ASAP1: variants seen among roughly 807,000 people sequenced by gnomAD.
ASAP1 encodes the protein arf-GAP with SH3 domain, ANK repeat and PH domain-containing protein 1.
A neutral mutation model predicts 145.2 loss-of-function variants in ASAP1; 43 were observed. The observed-to-expected ratio is 0.30, with a 90% CI of 0.23 to 0.38. The LOEUF (loss-of-function observed/expected upper bound fraction) is 0.38. ASAP1 is among the 10% of genes least tolerant of loss of function. The probability of loss-of-function intolerance (pLI) is 1.00; values close to 1 mark genes in which losing one functional copy is unlikely to be tolerated. For missense variants in ASAP1, 1,018 were observed against 1,355.3 expected, an observed-to-expected ratio of 0.75 and a Z score of 3.91; for synonymous variants, 546 against 515.5, an observed-to-expected ratio of 1.06 and a Z score of -0.80.
intron 3 of ASAP1, among the ~76,000 whole-genome samples, chr8:130,319,489 G>A (rs1823870341): frequency 6.6e-6 from 1 of 152,108 alleles, no homozygotes; most frequent in African/African-American, 2.4e-5. Context: ...GCAGGGCTAT[G>A]GGAACACTGA....
chr8:130,265,981 T>G (rs1586716356), intron 3 of ASAP1, among the ~76,000 whole-genome samples: 1 of 152,178 alleles, frequency 6.6e-6, no homozygotes, highest in African/African-American at 2.4e-5. Flanking sequence ...AGTAAGCATG[T>G]GAGGTGATTT....
At chr8:130,440,274 G>T (rs1164142932) in intron 1 of ASAP1, among the ~76,000 whole-genome samples, 1 of 152,044 alleles carries the variant, frequency 6.6e-6, no homozygotes, top group Non-Finnish European at 1.5e-5. Context: ...CATCAGGCTG[G>T]CCATGGTCGC....
chr8:130,072,830 C>CGCGCGCACGCGCG (rs1448184178), intron 27 of ASAP1, among the ~76,000 whole-genome samples: 600 of 31,734 alleles, frequency 0.019, 26 homozygotes, highest in Non-Finnish European at 0.025. Context: ...TGTGTGCGCG[C>CGCGCGCACGCGCG]GGGGGGGGGC....
Position 130,337,440 on chromosome 8 carries a change from G to A in ASAP1, c.186+20577C>T, listed in dbSNP as rs1825105912. On this transcript the variant is annotated intron_variant, in intron 3 of 29. Transcript: ENST00000518721. The stretch of plus-strand genomic sequence containing the variant: ...GAAGTCTCCAGTGTAACAAAAATGA[G>A]TACACTGCAAAGAGAGCCCTGTTAT... 2.6e-5 allele frequency among the ~76,000 whole-genome samples: 4 copies of A among 152,162 alleles called. No individual in the cohort carries two copies. The South Asian group carries it at 8.3e-4, about 32-fold the overall frequency.
intron 2 of ASAP1, among the ~76,000 whole-genome samples, chr8:130,391,455 A>G (rs1828281295): frequency 6.6e-6 from 1 of 152,218 alleles, no homozygotes; most frequent in South Asian, 2.1e-4. Context: ...TGCATACTTC[A>G]CCACAATTAA....
At chr8:130,257,808 G>A (rs1819657980) in intron 3 of ASAP1, among the ~76,000 whole-genome samples, 1 of 125,020 alleles carries the variant, frequency 8.0e-6, no homozygotes, top group African/African-American at 3.3e-5. Context: ...TTATTTTTTA[G>A]AAGTGCCTAC....
chr8:130,407,452 C>G (rs1829082871), intron 1 of ASAP1, among the ~76,000 whole-genome samples: 1 of 152,216 alleles, frequency 6.6e-6, no homozygotes, highest in Non-Finnish European at 1.5e-5. Flanking sequence ...CACTCAAAGA[C>G]ATGAGCAGGG....
intron 3 of ASAP1, among the ~76,000 whole-genome samples, chr8:130,283,600 A>G (rs1165293583): frequency 7.0e-6 from 1 of 142,472 alleles, no homozygotes; most frequent in African/African-American, 2.7e-5. Context: ...AAAAAAAAAA[A>G]AAAAAAAAAA....
At chr8:130,179,155 CTTTA>C (rs1316337214) in intron 9 of ASAP1, 105 bp downstream of exon 9, 3 of 631,892 alleles carry the variant, frequency 4.7e-6, no homozygotes, top group East Asian at 6.0e-5. Flanking sequence ...CATTATATCA[CTTTA>C]TTTAGTCACG....
Position 130,277,851 on chromosome 8 carries a change from T to C in ASAP1, c.187-40857A>G, listed in dbSNP as rs1821006205. On this transcript the variant is annotated intron_variant, in intron 3 of 29. Coordinates refer to ENST00000518721, the MANE Select transcript of ASAP1 (RefSeq NM_018482.4). ...TGTAGGCGTTTGTGGGCCCATCACA[T>C]GGACGTAGCAGGACAGTTTTCAGAC... 3.3e-5 allele frequency among the ~76,000 whole-genome samples: 5 copies of C among 152,300 alleles called. No homozygotes were observed. In the South Asian group the frequency reaches 1.0e-3, roughly 32 times the overall value.
At chr8:130,176,965 C>T (rs896536875) in intron 9 of ASAP1, among the ~76,000 whole-genome samples, 5 of 152,164 alleles carry the variant, frequency 3.3e-5, no homozygotes, top group Non-Finnish European at 7.3e-5. Context: ...GCGGGGATTA[C>T]AGGCGTGAGC....
intron 18 of ASAP1, among the ~76,000 whole-genome samples, chr8:130,120,976 C>T (rs1160739964): frequency 6.6e-6 from 1 of 152,202 alleles, no homozygotes; most frequent in African/African-American, 2.4e-5. Context: ...ACCCAGTCCT[C>T]TCTTTATCTG....
chr8:130,058,868 T>C (rs115481717), intron 28 of ASAP1, among the ~76,000 whole-genome samples: 1,726 of 152,306 alleles, frequency 0.011, 32 homozygotes, highest in African/African-American at 0.04. Context: ...AGCTCCCTTC[T>C]GGGCCGTGCG....
chr8:130,323,912 AAG>A (rs1459686042), intron 3 of ASAP1, among the ~76,000 whole-genome samples: 1 of 152,148 alleles, frequency 6.6e-6, no homozygotes, highest in South Asian at 2.1e-4. Flanking sequence ...CAGAAACAAA[AAG>A]ATGCAGATGC....
chr8:130,089,651 C>T (rs2097501354), intron 25 of ASAP1, among the ~76,000 whole-genome samples: 1 of 152,046 alleles, frequency 6.6e-6, no homozygotes, highest in Non-Finnish European at 1.5e-5. Flanking sequence ...GGGATAAAAC[C>T]AAGCAGTAAT....
chr8:130,206,614 T>C (rs1403129074), intron 5 of ASAP1, among the ~76,000 whole-genome samples: 2 of 152,206 alleles, frequency 1.3e-5, no homozygotes, highest in Non-Finnish European at 2.9e-5. Flanking sequence ...TTATGCAAGC[T>C]ATAGAATTGT....
In ASAP1 at chr8:130,336,122, A is replaced by T. The variant is rs10107675; in HGVS notation, c.186+21895T>A. On this transcript the variant is annotated intron_variant, in intron 3 of 29. Coordinates refer to ENST00000518721, the MANE Select transcript of ASAP1 (RefSeq NM_018482.4). ...TTAAGATAATGCAAAACAAAGTTTCAGAAACAGCCCTGTGAAAACAATCAT... is the reference window on the plus strand; with the variant it reads ...TTAAGATAATGCAAAACAAAGTTTCTGAAACAGCCCTGTGAAAACAATCAT... 7.6e-3 allele frequency among the ~76,000 whole-genome samples: 1,163 copies of T among 152,350 alleles called. 13 individuals are homozygous for T. The highest frequency in any genetic ancestry group is 0.027 in the African/African-American group (1,106 of 41,576).
intron 7 of ASAP1, among the ~76,000 whole-genome samples, chr8:130,186,552 A>T (rs1225717475): frequency 1.3e-5 from 2 of 152,128 alleles, no homozygotes; most frequent in African/African-American, 4.8e-5. Context: ...CACAGTATCG[A>T]GATGGGCCGA....
intron 25 of ASAP1, among the ~76,000 whole-genome samples, chr8:130,080,544 T>C (rs2097477105): frequency 1.3e-5 from 2 of 151,006 alleles, no homozygotes; most frequent in African/African-American, 4.9e-5. Context: ...GGTGCAATCA[T>C]GGCTCACTGT....
Sources: allele counts gnomAD v4.1 joint callset (sites outside exome capture counted in the v4.1 genomes callset), GRCh38; gene constraint gnomAD v4.1.1; transcripts MANE v1.5; gene names NCBI Gene and HGNC (gene_info 2026-07-23, HGNC 2026-07-21).